FSCN2: variants seen among roughly 807,000 people sequenced by gnomAD.
FSCN2 encodes the protein fascin actin-bundling protein 2, retinal.
In FSCN2, 46 loss-of-function variants were observed where a neutral mutation model predicts 37.8. That is an observed-to-expected ratio of 1.22 (90% confidence interval 0.96 to 1.56). FSCN2 has a LOEUF of 1.56. Among genes scored for constraint, FSCN2 ranks in the 40% most tolerant of loss-of-function variants. The probability of loss-of-function intolerance (pLI) is 0.00; values close to 1 mark genes in which losing one functional copy is unlikely to be tolerated. For synonymous variants in FSCN2, 351 were observed against 309.4 expected (o/e 1.13, Z -1.41); for missense variants, 844 against 730.4 (o/e 1.16, Z -1.79).
intron 1 of FSCN2, among the ~76,000 whole-genome samples, chr17:81,531,741 G>GTGATGA (rs1188925979): frequency 8.0e-6 from 1 of 124,314 alleles, no homozygotes; most frequent in African/African-American, 3.3e-5. Context: ...GGTGATGATG[G>GTGATGA]TGATGATAGT....
At chr17:81,522,285 C>G in the FSCN2 span, among the ~76,000 whole-genome samples, 6 of 152,172 alleles carry the variant, frequency 3.9e-5, no homozygotes, top group African/African-American at 1.4e-4. Flanking sequence ...AATTACAGCC[C>G]GGCCAAACTA....
chr17:81,531,489 ATGGTGATGGTGATGG>A (rs1266070581), intron 1 of FSCN2, among the ~76,000 whole-genome samples: 77 of 83,730 alleles, frequency 9.2e-4, no homozygotes, highest in East Asian at 2.4e-3. Context: ...GATGGTGATG[ATGGTGATGGTGATGG>A]TGGTGATGGT....
At position 81,536,869 on chromosome 17, in the gene FSCN2, C is replaced by T. The variant is rs1048819854; in HGVS notation, c.1274-6C>T. ...GCACCCCCGCCGACGCCGTCCCGTC[C>T]CCCAGGCCGCGACGGAGGGTTCTGG... On this transcript the variant is annotated splice_polypyrimidine_tract_variant and splice_region_variant and intron_variant, in intron 4 of 4. Transcript: ENST00000417245. The T allele has an allele frequency of 3.1e-5, 49 of 1,566,290 alleles. No homozygotes were observed. Among genetic ancestry groups the T allele is most frequent in the Non-Finnish European group, 3.9e-5 (45 of 1,155,812 alleles).
chr17:81,522,406 C>T, the FSCN2 span, among the ~76,000 whole-genome samples: 14 of 152,324 alleles, frequency 9.2e-5, no homozygotes, highest in African/African-American at 2.9e-4. Context: ...AGCTGAGTGG[C>T]GTGGCGTTGT....
Position 81,529,174 on chromosome 17 carries a change from A to G in FSCN2, c.643A>G (p.Lys215Glu), listed in dbSNP as rs2032463745. Residue 215 changes from lysine to glutamate, a missense_variant, in exon 1 of 5, where the codon AAG (lysine) becomes GAG (glutamate). Lys to Glu is a moderately conservative substitution (Grantham distance 56). Coordinates refer to ENST00000417245, the MANE Select transcript of FSCN2 (RefSeq NM_012418.4). ...CCGTGCCTGCTACACGCTGGAGTTCAAGGCGGGCAAGCTGGCCTTCAAGGA... is the reference window on the plus strand; with the variant it reads ...CCGTGCCTGCTACACGCTGGAGTTCGAGGCGGGCAAGCTGGCCTTCAAGGA... ...EPRACYTLEF[K>E]AGKLAFKDCD... The G allele has an allele frequency of 1.3e-6, 2 of 1,591,630 alleles. No homozygotes were observed. Among genetic ancestry groups the G allele is most frequent in the South Asian group, 1.1e-5 (1 of 87,564 alleles).
chr17:81,529,485 G>T, intron 1 of FSCN2, 128 bp downstream of exon 1: 2 of 865,990 alleles, frequency 2.3e-6, no homozygotes, highest in East Asian at 2.5e-5. Flanking sequence ...CTGGGCTGGG[G>T]GTCCATGTGG....
chr17:81,531,258 ATGATGGTGG>A (rs1807261502), intron 1 of FSCN2, among the ~76,000 whole-genome samples: 4 of 70,242 alleles, frequency 5.7e-5, no homozygotes, highest in Admixed American at 5.6e-4. Context: ...GGTGATGGTG[ATGATGGTGG>A]TGATGGCGGT....
rs2032869091 is a variant in FSCN2 at position 81,536,140 on chromosome 17, C to T, written c.984-6C>T. On this transcript the variant is annotated splice_region_variant and splice_polypyrimidine_tract_variant and intron_variant, in intron 2 of 4. Coordinates refer to ENST00000417245, the MANE Select transcript of FSCN2 (RefSeq NM_012418.4). ...TCCTGAGGAGACCTTTTGCTGCTCCCTCCAGTTCTGCCAACACCATGTTTG... is the reference window on the plus strand; with the variant it reads ...TCCTGAGGAGACCTTTTGCTGCTCCTTCCAGTTCTGCCAACACCATGTTTG... 23 of 1,606,782 alleles carry T rather than the reference C, an allele frequency of 1.4e-5. No individual in the cohort carries two copies. The highest frequency in any genetic ancestry group is 1.9e-5 in the Non-Finnish European group (22 of 1,177,340).
At chr17:81,524,974 A>G (rs2032307952), upstream of FSCN2, among the ~76,000 whole-genome samples, 1 of 151,994 alleles carries the variant, frequency 6.6e-6, no homozygotes, top group African/African-American at 2.4e-5. Flanking sequence ...TCAGCCCATC[A>G]TACAAGAACC....
chr17:81,531,246 A>ATGGTGATGGTGATGATGGTGG (rs2032549825), intron 1 of FSCN2, among the ~76,000 whole-genome samples: 1 of 29,652 alleles, frequency 3.4e-5, no homozygotes, highest in African/African-American at 1.0e-4. Context: ...GGTGGTGATG[A>ATGGTGATGGTGATGATGGTGG]TGGTGATGGT....
upstream of FSCN2, among the ~76,000 whole-genome samples, chr17:81,524,113 G>A (rs906142885): frequency 1.3e-5 from 2 of 152,316 alleles, no homozygotes; most frequent in East Asian, 3.9e-4. Flanking sequence ...CTCAGAAAGG[G>A]AACGATTTCC....
At chr17:81,523,396 C>T (rs908490068), upstream of FSCN2, among the ~76,000 whole-genome samples, 7 of 152,342 alleles carry the variant, frequency 4.6e-5, no homozygotes, top group African/African-American at 1.2e-4. Context: ...CCCCCTCGCC[C>T]GTGTAAGTGG....
At position 81,537,124 on chromosome 17, in the gene FSCN2, T is replaced by G; in HGVS notation, c.*44T>G. The G allele has an allele frequency of 7.5e-7, 1 of 1,341,196 alleles. No homozygotes were observed. Among genetic ancestry groups the G allele is most frequent in the Non-Finnish European group, 9.6e-7 (1 of 1,038,670 alleles). 83.1% of individuals were successfully genotyped at this position (1,341,196 alleles called of 1,614,324 possible). A position where few individuals can be genotyped will look rare whatever the true frequency, so the allele number is the denominator to read the frequency against. Reference sequence around the variant, plus strand: ...CTGTCGCGCATTAAAACCGTGTCTCTCCCGCAGCTGTGGGTGGGCCCCGGG... The same window carrying G: ...CTGTCGCGCATTAAAACCGTGTCTCGCCCGCAGCTGTGGGTGGGCCCCGGG... On this transcript the variant is annotated 3_prime_UTR_variant, in exon 5 of 5. Coordinates refer to ENST00000417245, the MANE Select transcript of FSCN2 (RefSeq NM_012418.4).
chr17:81,525,101 CAG>C (rs1239238726), upstream of FSCN2, among the ~76,000 whole-genome samples: 1 of 152,084 alleles, frequency 6.6e-6, no homozygotes, highest in Non-Finnish European at 1.5e-5. Flanking sequence ...GCCTGGGTGA[CAG>C]AGCAAAACCC....
At chr17:81,531,474 GTGGTGA>G (rs2032591443) in intron 1 of FSCN2, among the ~76,000 whole-genome samples, 1 of 105,852 alleles carries the variant, frequency 9.4e-6, no homozygotes, top group Admixed American at 9.7e-5. Context: ...GATGGTGGTG[GTGGTGA>G]TGGTGATGAT....
chr17:81,524,080 C>A (rs550232934), upstream of FSCN2, among the ~76,000 whole-genome samples: 1 of 152,252 alleles, frequency 6.6e-6, no homozygotes, highest in East Asian at 1.9e-4. Flanking sequence ...CCTGGAGCAC[C>A]AGGACAGCCC....
Position 81,528,820 on chromosome 17 carries a change from G to C in FSCN2, c.289G>C (p.Asp97His). 1 of 1,559,780 alleles carries C rather than the reference G, an allele frequency of 6.4e-7. No individual in the cohort carries two copies. The highest frequency in any genetic ancestry group is 1.7e-4 in the Middle Eastern group (1 of 5,828). ...DCRFLVLPQP[D>H]GRWVLRSEPH... is the part of the protein sequence containing the mutation. ...CCGCTTCCTGGTCCTGCCGCAGCCAGATGGGCGCTGGGTGCTGCGGTCCGA... is the reference window on the plus strand; with the variant it reads ...CCGCTTCCTGGTCCTGCCGCAGCCACATGGGCGCTGGGTGCTGCGGTCCGA... Residue 97 changes from aspartate (D) to histidine (H), a missense_variant, in exon 1 of 5, where the codon GAT becomes CAT. By Grantham distance (81) the Asp-to-His change is moderately conservative. Coordinates refer to ENST00000417245, the MANE Select transcript of FSCN2 (RefSeq NM_012418.4).
At chr17:81,531,240 GTGATGA>G (rs60042828) in intron 1 of FSCN2, among the ~76,000 whole-genome samples, 7 of 134,020 alleles carry the variant, frequency 5.2e-5, no homozygotes, top group African/African-American at 1.7e-4. Context: ...GGTGATGGTG[GTGATGA>G]TGGTGATGGT....
chr17:81,517,262 G>A, the FSCN2 span, among the ~76,000 whole-genome samples: 1 of 152,066 alleles, frequency 6.6e-6, no homozygotes, highest in Non-Finnish European at 1.5e-5. Context: ...GGAGGCCCCT[G>A]GAAGAGCCCT....
Sources: gnomAD v4.1 joint callset for allele counts (sites outside exome capture counted in the v4.1 genomes callset) on GRCh38, gnomAD v4.1.1 for gene constraint, MANE v1.5 for transcripts, NCBI Gene and HGNC (gene_info 2026-07-23, HGNC 2026-07-21) for gene names.